The following MACC1 variants were observed in gnomAD, a reference collection of about 807,000 sequenced individuals.
MACC1 encodes the protein MET transcriptional regulator MACC1.
A neutral mutation model predicts 70.7 loss-of-function variants in MACC1; 79 were observed. That is an observed-to-expected ratio of 1.12 (90% CI 0.93 to 1.35). The LOEUF is 1.35. Among genes scored for constraint, MACC1 ranks in the 40% most tolerant of loss-of-function variants. The probability of loss-of-function intolerance (pLI) is 0.00; values close to 1 mark genes in which losing one functional copy is unlikely to be tolerated. For missense variants in MACC1, 1,106 were observed against 978.1 expected, an observed-to-expected ratio of 1.13 and a Z score of -1.74; for synonymous variants, 361 against 347.2, an observed-to-expected ratio of 1.04 and a Z score of -0.44.
At chr7:20,191,790 A>G (rs532863299) in intron 1 of MACC1, among the ~76,000 whole-genome samples, 29 of 152,230 alleles carry the variant, frequency 1.9e-4, no homozygotes, top group Non-Finnish European at 3.5e-4. Context: ...TCTGTGCGGT[A>G]TCAGAAACCT....
At chr7:20,190,033 T>C (rs1193124117) in intron 1 of MACC1, among the ~76,000 whole-genome samples, 1 of 152,174 alleles carries the variant, frequency 6.6e-6, no homozygotes, top group Non-Finnish European at 1.5e-5. Context: ...GCACTAATCC[T>C]ATTCATGAGG....
chr7:20,150,627 G>T (rs1781961508), intron 6 of MACC1: 1 of 152,198 alleles, frequency 6.6e-6, no homozygotes, highest in African/African-American at 2.4e-5. Context: ...TTACCATTAG[G>T]AACATTGACT....
intron 1 of MACC1, among the ~76,000 whole-genome samples, chr7:20,177,011 T>C (rs1241702213): frequency 6.6e-6 from 1 of 151,828 alleles, no homozygotes; most frequent in Non-Finnish European, 1.5e-5. Flanking sequence ...CTGGCAGTTA[T>C]ACAAATCTAC....
intron 2 of MACC1, among the ~76,000 whole-genome samples, chr7:20,169,367 T>A (rs1782267231): frequency 6.6e-6 from 1 of 152,190 alleles, no homozygotes; most frequent in African/African-American, 2.4e-5. Flanking sequence ...CCTGTACCCT[T>A]CAGTGCAAAA....
chr7:20,185,908 C>T lies in MACC1; in HGVS notation c.-217-15130G>A, dbSNP rs147355696. On this transcript the variant is annotated intron_variant, in intron 1 of 6. Coordinates refer to ENST00000400331, the MANE Select transcript of MACC1 (RefSeq NM_182762.4). ...TTAATTAACCTACCCAACATCATCC[C>T]GGTAGGAAGTAAAGAAGACAAGAGA... Among the ~76,000 whole-genome samples, 31 of 152,216 alleles carry T rather than the reference C, an allele frequency of 2.0e-4. No individual in the cohort carries two copies. In the East Asian group the frequency reaches 3.3e-3, roughly 16 times the overall value.
At position 20,136,885 on chromosome 7, in the gene MACC1, TATTAA is replaced by T. The variant is rs1291147256; in HGVS notation, c.*4056_*4060del. The T allele has an allele frequency of 7.1e-5, 10 of 140,778 alleles. No homozygotes were observed. The highest frequency in any genetic ancestry group is 6.3e-4 in the Admixed American group (9 of 14,374). The allele number at this position is 140,778 out of a possible 1,614,324, so 8.7% of individuals were successfully genotyped here. ...AATTCTTAAAGATTATTAATTATAA[TATTAA>T]ATTATATTATTAATTCTTAAAGATT... On this transcript the variant is annotated 3_prime_UTR_variant, in exon 7 of 7. Coordinates refer to ENST00000400331, the MANE Select transcript of MACC1 (RefSeq NM_182762.4).
At chr7:20,199,064 T>A (rs1782797374) in intron 1 of MACC1, among the ~76,000 whole-genome samples, 1 of 152,212 alleles carries the variant, frequency 6.6e-6, no homozygotes, top group Non-Finnish European at 1.5e-5. Context: ...ATGGCAATAA[T>A]AGTAATTTGA....
At chr7:20,186,043 GA>G (rs1284738182) in intron 1 of MACC1, among the ~76,000 whole-genome samples, 1 of 115,878 alleles carries the variant, frequency 8.6e-6, no homozygotes, top group East Asian at 7.8e-4. Context: ...AGAAAGCCTT[GA>G]GTAGGCTCTT....
Position 20,158,280 on chromosome 7 carries a change from G to T in MACC1, c.2081C>A (p.Ser694Tyr). The T allele has an allele frequency of 6.2e-7, 1 of 1,612,272 alleles. No homozygotes were observed. Among genetic ancestry groups the T allele is most frequent in the Non-Finnish European group, 8.5e-7 (1 of 1,179,648 alleles). The change falls in exon 5 of 7, where the codon TCT becomes TAT. Residue 694 changes from serine to tyrosine, a missense_variant. Coordinates refer to ENST00000400331, the MANE Select transcript of MACC1 (RefSeq NM_182762.4). ...TTCCTTTAACTTCTTTATAACATAA[G>T]AAACTTTCTCTGATTCTTTGTCTGC... The part of the protein sequence containing the change: ...IQADKESEKV[S>Y]YVIKKLKEDC...
In MACC1 at chr7:20,135,120, G is replaced by A. The variant is rs1316498174; in HGVS notation, c.*5826C>T. 3 of 152,088 alleles carry A rather than the reference G, an allele frequency of 2.0e-5. No homozygotes were observed. Among genetic ancestry groups the A allele is most frequent in the Non-Finnish European group, 2.9e-5 (2 of 68,012 alleles). 9.4% of individuals were successfully genotyped at this position (152,088 alleles called of 1,614,324 possible). A position where few individuals can be genotyped will look rare whatever the true frequency, so the allele number is the denominator to read the frequency against. ...GAAATTCAACAAATAACACACTAGG[G>A]AAAACAAGGCTTTTTCCGAAGATAT... On this transcript the variant is annotated 3_prime_UTR_variant, in exon 7 of 7. Coordinates refer to ENST00000400331, the MANE Select transcript of MACC1 (RefSeq NM_182762.4).
At chr7:20,206,138 C>A (rs1425564757) in intron 1 of MACC1, among the ~76,000 whole-genome samples, 1 of 151,558 alleles carries the variant, frequency 6.6e-6, no homozygotes, top group Non-Finnish European at 1.5e-5. Context: ...ATGGTGCCTG[C>A]CTTGGGTTAG....
intron 6 of MACC1, among the ~76,000 whole-genome samples, chr7:20,143,754 G>A (rs894479156): frequency 6.6e-6 from 1 of 152,150 alleles, no homozygotes; most frequent in Admixed American, 6.5e-5. Context: ...AGAGAAATTT[G>A]GGTACAATAC....
intron 1 of MACC1, among the ~76,000 whole-genome samples, 161 bp from the exon 2 acceptor site, chr7:20,170,939 G>A (rs1394219887): frequency 6.6e-6 from 1 of 152,196 alleles, no homozygotes; most frequent in Non-Finnish European, 1.5e-5. Context: ...AATTCATACA[G>A]CAGGAATTTC....
intron 1 of MACC1, among the ~76,000 whole-genome samples, chr7:20,193,639 G>A (rs1052541835): frequency 6.6e-6 from 1 of 152,176 alleles, no homozygotes; most frequent in African/African-American, 2.4e-5. Flanking sequence ...TAAACTAAGG[G>A]AATGACTGCC....
rs148680424 is a variant in MACC1, at chr7:20,186,291, G to A, written c.-217-15513C>T. Among the ~76,000 whole-genome samples, 10 of 152,168 alleles carry A rather than the reference G, an allele frequency of 6.6e-5. No homozygotes were observed. In the East Asian group the frequency reaches 1.9e-3, roughly 29 times the overall value. ...GGTTTTCTAATACAAGTAATGTGAG[G>A]TATTTATGACCAACAACATTCTAAA... On this transcript the variant is annotated intron_variant, in intron 1 of 6. Transcript: ENST00000400331.
At chr7:20,196,714 C>A (rs1782760385) in intron 1 of MACC1, among the ~76,000 whole-genome samples, 1 of 152,062 alleles carries the variant, frequency 6.6e-6, no homozygotes, top group South Asian at 2.1e-4. Flanking sequence ...GCTTAGCGAT[C>A]ATTTAAATTG....
rs139780718 is a variant in MACC1 at position 20,137,853 on chromosome 7, C to T, written c.*3093G>A. 3.9e-5 allele frequency: 6 copies of T among 152,128 alleles called. No individual in the cohort carries two copies. The East Asian group carries it at 9.6e-4, about 24-fold the overall frequency. The allele number at this position is 152,128 out of a possible 1,614,324, so 9.4% of individuals were successfully genotyped here. On this transcript the variant is annotated 3_prime_UTR_variant, in exon 7 of 7. Transcript: ENST00000400331. ...TACAAACAGAATGTTTGGACATGGG[C>T]TTAAAATTCCTCTGGAAGGCTGGGA...
chr7:20,209,460 C>T (rs1056036923), intron 1 of MACC1, among the ~76,000 whole-genome samples: 1 of 152,246 alleles, frequency 6.6e-6, no homozygotes, highest in African/African-American at 2.4e-5. Context: ...GACTGCCCTA[C>T]TGGATTTCAG....
intron 1 of MACC1, among the ~76,000 whole-genome samples, chr7:20,209,060 G>T (rs959184756): frequency 1.4e-4 from 22 of 152,226 alleles, no homozygotes; most frequent in African/African-American, 5.3e-4. Context: ...GATTTTAAAG[G>T]ATGTATGGAA....
Sources: gnomAD v4.1 joint callset for allele counts (sites outside exome capture counted in the v4.1 genomes callset) on GRCh38, gnomAD v4.1.1 for gene constraint, MANE v1.5 for transcripts, NCBI Gene and HGNC (gene_info 2026-07-23, HGNC 2026-07-21) for gene names.